Variants in PARP8 observed in about 807,000 individuals in gnomAD.
The protein encoded by PARP8 is protein mono-ADP-ribosyltransferase PARP8.
A neutral mutation model predicts 124.1 loss-of-function variants in PARP8; 51 were observed. The observed-to-expected ratio is 0.41, with a 90% CI of 0.33 to 0.52. PARP8 has a LOEUF of 0.52. PARP8 is among the 20% of genes least tolerant of loss of function. PARP8 has a pLI of 0.21. For missense variants in PARP8, 860 were observed against 1,018.9 expected, an observed-to-expected ratio of 0.84 and a Z score of 2.12; for synonymous variants, 391 against 361.5, an observed-to-expected ratio of 1.08 and a Z score of -0.93.
intron 14 of PARP8, among the ~76,000 whole-genome samples, chr5:50,813,117 CA>C (rs1174443186): frequency 2.0e-5 from 3 of 152,024 alleles, no homozygotes; most frequent in African/African-American, 7.2e-5. Flanking sequence ...TAGTTTTTTC[CA>C]ATTCTGTGAA....
chr5:50,785,249 C>T (rs1408858055), intron 9 of PARP8, among the ~76,000 whole-genome samples: 1 of 152,024 alleles, frequency 6.6e-6, no homozygotes, highest in Non-Finnish European at 1.5e-5. Context: ...TTAACACTTT[C>T]TAGTCATGCA....
intron 2 of PARP8, among the ~76,000 whole-genome samples, chr5:50,688,833 T>C (rs984412072): frequency 6.6e-6 from 1 of 152,138 alleles, no homozygotes; most frequent in Non-Finnish European, 1.5e-5. Context: ...TTATATAGCC[T>C]TGTCAGTTTA....
chr5:50,830,964 G>A (rs1316362327), intron 22 of PARP8, among the ~76,000 whole-genome samples: 1 of 152,016 alleles, frequency 6.6e-6, no homozygotes, highest in Non-Finnish European at 1.5e-5. Flanking sequence ...ATAACCAGGT[G>A]AACATTAAAG....
Position 50,826,502 on chromosome 5 carries a change from T to C in PARP8, c.1929-253T>C, listed in dbSNP as rs117223903. 6.9e-3 allele frequency among the ~76,000 whole-genome samples: 1,044 copies of C among 152,260 alleles called. 8 individuals carry two copies. Among genetic ancestry groups the C allele is most frequent in the East Asian group, 0.039 (202 of 5,188 alleles). On this transcript the variant is annotated intron_variant, in intron 18 of 25. Coordinates refer to ENST00000281631, the MANE Select transcript of PARP8 (RefSeq NM_024615.4). ...TTGCTGATACTTGAGGTTATGCTTA[T>C]TAAAAACTATGTCTTAAGTTTTAGG...
At chr5:50,678,090 A>T (rs1433819139) in intron 2 of PARP8, among the ~76,000 whole-genome samples, 2 of 152,186 alleles carry the variant, frequency 1.3e-5, no homozygotes, top group Non-Finnish European at 1.5e-5. Flanking sequence ...TCACATTTTT[A>T]TATGAATAAA....
intron 1 of PARP8, chr5:50,667,690 G>A (rs1749492687): frequency 2.9e-6 from 2 of 699,714 alleles, no homozygotes. Flanking sequence ...CCTCCGACTG[G>A]CAAAGAGAAG....
intron 2 of PARP8, among the ~76,000 whole-genome samples, chr5:50,729,254 G>T (rs142517942): frequency 6.6e-6 from 1 of 152,170 alleles, no homozygotes; most frequent in African/African-American, 2.4e-5. Flanking sequence ...GCCAAATGGA[G>T]TGAGATATGC....
chr5:50,823,840 A>G (rs1356438370), intron 17 of PARP8, among the ~76,000 whole-genome samples: 2 of 152,234 alleles, frequency 1.3e-5, no homozygotes, highest in African/African-American at 4.8e-5. Context: ...CCAAAATTGT[A>G]TAACTGGCTC....
intron 2 of PARP8, among the ~76,000 whole-genome samples, chr5:50,703,382 A>G (rs1291306262): frequency 6.6e-6 from 1 of 152,120 alleles, no homozygotes; most frequent in African/African-American, 2.4e-5. Flanking sequence ...TGATTAAGAA[A>G]TAATTTGTCT....
intron 2 of PARP8, among the ~76,000 whole-genome samples, chr5:50,714,087 T>TC (rs1755054650): frequency 6.6e-6 from 1 of 151,068 alleles, no homozygotes; most frequent in African/African-American, 2.4e-5. Flanking sequence ...TTTCTTTCTT[T>TC]TTTTTTTTTT....
At position 50,667,054 on chromosome 5, in the gene PARP8, G is replaced by A; in HGVS notation, c.-42G>A. 6.3e-7 allele frequency: 1 copy of A among 1,596,282 alleles called. No homozygotes were observed. The highest frequency in any genetic ancestry group is 1.1e-5 in the South Asian group (1 of 90,980). On this transcript the variant is annotated 5_prime_UTR_variant, in exon 1 of 26. Transcript: ENST00000281631. ...TGGAAGCGTGCGAGGGGGGTGGGGT[G>A]GGGTGGAAATAGCGGCTGCTTCTTT...
At chr5:50,835,623 A>T (rs1747495105) in intron 25 of PARP8, among the ~76,000 whole-genome samples, 1 of 152,190 alleles carries the variant, frequency 6.6e-6, no homozygotes, top group Non-Finnish European at 1.5e-5. Context: ...ATGTGTTTAT[A>T]CACCTCCATA....
rs149907799 is a variant in PARP8, at chr5:50,775,824, G to T, written c.519-2245G>T. Among the ~76,000 whole-genome samples, 20 of 151,954 alleles carry T rather than the reference G, an allele frequency of 1.3e-4. No homozygotes were observed. The East Asian group carries it at 3.3e-3, about 25-fold the overall frequency. On this transcript the variant is annotated intron_variant, in intron 7 of 25. Transcript: ENST00000281631. ...AGCCTTTAGAGTTTTTTATATATACGATCATGTCATCCACAAACAGGAACA... is the reference window on the plus strand; with the variant it reads ...AGCCTTTAGAGTTTTTTATATATACTATCATGTCATCCACAAACAGGAACA...
At chr5:50,815,613 G>T in intron 15 of PARP8, 89 bp downstream of exon 15, 1 of 902,420 alleles carries the variant, frequency 1.1e-6, no homozygotes, top group Non-Finnish European at 1.6e-6. Context: ...TATTCTTTGG[G>T]GAAAATATTT....
chr5:50,714,675 A>G (rs1755118623), intron 2 of PARP8, among the ~76,000 whole-genome samples: 1 of 152,120 alleles, frequency 6.6e-6, no homozygotes, highest in African/African-American at 2.4e-5. Flanking sequence ...TGGGGTGCCC[A>G]CAGGGCTGTG....
chr5:50,805,439 T>G (rs752990540), intron 14 of PARP8, among the ~76,000 whole-genome samples: 1 of 152,046 alleles, frequency 6.6e-6, no homozygotes, highest in African/African-American at 2.4e-5. Flanking sequence ...CTAAGATTTA[T>G]AGAGGTTAAG....
At chr5:50,693,102 CA>C (rs1440051601) in intron 2 of PARP8, among the ~76,000 whole-genome samples, 3 of 152,082 alleles carry the variant, frequency 2.0e-5, no homozygotes, top group African/African-American at 7.2e-5. Context: ...GATTTTAAGC[CA>C]AGTTATCAGT....
At chr5:50,825,959 A>G (rs1219422531) in intron 18 of PARP8, among the ~76,000 whole-genome samples, 4 of 152,170 alleles carry the variant, frequency 2.6e-5, no homozygotes, top group African/African-American at 7.2e-5. Flanking sequence ...CCTTCTTTGT[A>G]TCTGTTATGA....
intron 14 of PARP8, among the ~76,000 whole-genome samples, chr5:50,811,409 A>AT (rs1178988477): frequency 6.6e-6 from 1 of 152,088 alleles, no homozygotes; most frequent in Non-Finnish European, 1.5e-5. Flanking sequence ...GCCAAAAATC[A>AT]TTTGCGACAA....
Sources: gnomAD v4.1 joint callset for allele counts (sites outside exome capture counted in the v4.1 genomes callset) on GRCh38, gnomAD v4.1.1 for gene constraint, MANE v1.5 for transcripts, NCBI Gene and HGNC (gene_info 2026-07-23, HGNC 2026-07-21) for gene names.